Variants in CNBD1 observed in about 807,000 individuals in gnomAD.
The protein encoded by CNBD1 is cyclic nucleotide binding domain containing 1, also known as cyclic nucleotide-binding domain-containing protein 1.
CNBD1 carries 71 observed loss-of-function variants against 54.4 expected under a neutral mutation model. That is an observed-to-expected ratio of 1.30 (90% CI 1.08 to 1.59). The LOEUF is 1.59. CNBD1 is among the 40% of genes most tolerant of loss of function. The pLI is 0.00. For missense variants in CNBD1, 659 were observed against 518.0 expected (o/e 1.27, Z -2.64); for synonymous variants, 182 against 170.7 (o/e 1.07, Z -0.51).
intron 8 of CNBD1, among the ~76,000 whole-genome samples, chr8:87,315,892 G>A (rs564740902): frequency 6.6e-6 from 1 of 152,080 alleles, no homozygotes; most frequent in East Asian, 1.9e-4. Context: ...AAATGTTTGA[G>A]GTGATGGATT....
chr8:87,117,933 C>A (rs192087223), intron 4 of CNBD1, among the ~76,000 whole-genome samples: 2 of 152,238 alleles, frequency 1.3e-5, no homozygotes, highest in Admixed American at 6.5e-5. Flanking sequence ...ACAAAACAAA[C>A]TTTTCTGCCC....
chr8:87,138,529 T>C (rs1430987585), intron 4 of CNBD1, among the ~76,000 whole-genome samples: 4 of 152,212 alleles, frequency 2.6e-5, no homozygotes, highest in African/African-American at 9.7e-5. Context: ...ACAAACGCAG[T>C]GGTCTTTATC....
intron 6 of CNBD1, among the ~76,000 whole-genome samples, chr8:87,240,214 AT>A (rs1232431687): frequency 6.6e-6 from 1 of 152,112 alleles, no homozygotes; most frequent in Non-Finnish European, 1.5e-5. Context: ...CTATGATTAA[AT>A]TTAGCAAAAT....
At chr8:87,191,486 C>T (rs1388963632) in intron 4 of CNBD1, among the ~76,000 whole-genome samples, 3 of 152,158 alleles carry the variant, frequency 2.0e-5, no homozygotes, top group African/African-American at 7.2e-5. Context: ...AATACATTGC[C>T]AGCCATCTAG....
At chr8:86,867,278 G>A (rs1406592422) in intron 1 of CNBD1, among the ~76,000 whole-genome samples, 1 of 152,126 alleles carries the variant, frequency 6.6e-6, no homozygotes, top group Non-Finnish European at 1.5e-5. Context: ...ATGAGTTCCA[G>A]TGTTAGTTAA....
chr8:86,912,835 G>T (rs1056625000), intron 3 of CNBD1, among the ~76,000 whole-genome samples: 1 of 152,118 alleles, frequency 6.6e-6, no homozygotes, highest in African/African-American at 2.4e-5. Context: ...CTTCCAGGGG[G>T]ACAAGACATG....
At chr8:86,984,083 T>C (rs891380973) in intron 4 of CNBD1, among the ~76,000 whole-genome samples, 4 of 152,030 alleles carry the variant, frequency 2.6e-5, no homozygotes, top group Non-Finnish European at 5.9e-5. Flanking sequence ...CTCTGCTGTG[T>C]TCAGTTTAGG....
chr8:87,333,051 G>A (rs1809869255), intron 8 of CNBD1, among the ~76,000 whole-genome samples: 1 of 152,118 alleles, frequency 6.6e-6, no homozygotes, highest in Non-Finnish European at 1.5e-5. Context: ...ATTTCCTTGA[G>A]CAGTGGTTTG....
intron 4 of CNBD1, among the ~76,000 whole-genome samples, chr8:86,949,974 TGA>T (rs1807569420): frequency 3.8e-5 from 5 of 131,260 alleles, no homozygotes; most frequent in African/African-American, 8.9e-5. Context: ...TTTTTTTTTT[TGA>T]GATGGAGTCT....
At chr8:87,179,206 C>T (rs13274457) in intron 4 of CNBD1, among the ~76,000 whole-genome samples, 246 of 152,128 alleles carry the variant, frequency 1.6e-3, no homozygotes, top group Admixed American at 2.7e-3. Flanking sequence ...TTAAAGACTT[C>T]AATTGAATAA....
In CNBD1 at chr8:86,969,736, A is replaced by G. The variant is rs142921385; in HGVS notation, c.431+29982A>G. ...AATACAAATTAATAATGTGGAATACAGTCATCTAAATTTTTTTCTCCTATT... is the reference window on the plus strand; with the variant it reads ...AATACAAATTAATAATGTGGAATACGGTCATCTAAATTTTTTTCTCCTATT... On this transcript the variant is annotated intron_variant, in intron 4 of 10. Coordinates refer to ENST00000518476, the MANE Select transcript of CNBD1 (RefSeq NM_173538.3). Among the ~76,000 whole-genome samples the G allele has an allele frequency of 9.7e-3, 1,473 of 151,686 alleles. 17 individuals are homozygous for G. Among genetic ancestry groups the G allele is most frequent in the African/African-American group, 0.026 (1,083 of 41,388 alleles).
At chr8:87,087,629 A>AT (rs536774967) in intron 4 of CNBD1, among the ~76,000 whole-genome samples, 3,199 of 147,104 alleles carry the variant, frequency 0.022, 107 homozygotes, top group African/African-American at 0.071. Flanking sequence ...ACGCCCGGCT[A>AT]TTTTTTTTTT....
chr8:87,373,884 A>G (rs535861395), intron 10 of CNBD1, among the ~76,000 whole-genome samples: 3 of 151,540 alleles, frequency 2.0e-5, no homozygotes, highest in Non-Finnish European at 4.4e-5. Context: ...GTAATTTTAT[A>G]AACTTGTTAT....
rs200763090 is a variant in CNBD1, at chr8:87,273,040, CTGAA to C, written c.772-11634_772-11631del. Among the ~76,000 whole-genome samples the C allele has an allele frequency of 7.9e-3, 1,206 of 151,906 alleles. 11 individuals are homozygous for C. Among genetic ancestry groups the C allele is most frequent in the African/African-American group, 0.027 (1,134 of 41,496 alleles). On this transcript the variant is annotated intron_variant, in intron 6 of 10. Transcript: ENST00000518476. ...ATGCTGAAATAATTATTTCCAGTGACTGAATGATGTTACCCTTATATATCAGACA... is the reference window on the plus strand; with the variant it reads ...ATGCTGAAATAATTATTTCCAGTGACTGATGTTACCCTTATATATCAGACA...
chr8:86,873,353 G>A (rs56037835), intron 1 of CNBD1, among the ~76,000 whole-genome samples: 2,463 of 151,702 alleles, frequency 0.016, 66 homozygotes, highest in African/African-American at 0.054. Flanking sequence ...TGCCCGCCTC[G>A]GCCTCCCAAA....
intron 2 of CNBD1, among the ~76,000 whole-genome samples, chr8:86,890,037 A>G (rs1346091934): frequency 6.6e-6 from 1 of 152,126 alleles, no homozygotes; most frequent in Non-Finnish European, 1.5e-5. Context: ...GTATATGTAT[A>G]CAATGTGGAA....
At chr8:87,081,670 AT>A (rs923505672) in intron 4 of CNBD1, among the ~76,000 whole-genome samples, 22 of 151,246 alleles carry the variant, frequency 1.5e-4, no homozygotes, top group Non-Finnish European at 2.1e-4. Context: ...CACCCAGCTA[AT>A]TTTTTTTCAT....
chr8:86,954,273 C>T (rs1330836957), intron 4 of CNBD1, among the ~76,000 whole-genome samples: 1 of 152,150 alleles, frequency 6.6e-6, no homozygotes, highest in Admixed American at 6.6e-5. Flanking sequence ...CAGACAAATC[C>T]ATTTAATCTT....
intron 4 of CNBD1, among the ~76,000 whole-genome samples, chr8:87,091,700 C>T (rs1811205886): frequency 6.6e-6 from 1 of 152,126 alleles, no homozygotes; most frequent in Non-Finnish European, 1.5e-5. Context: ...TCAGGAAATA[C>T]AGTCTTGAGA....
Sources: allele counts gnomAD v4.1 joint callset (sites outside exome capture counted in the v4.1 genomes callset), GRCh38; gene constraint gnomAD v4.1.1; transcripts MANE v1.5; gene names NCBI Gene and HGNC (gene_info 2026-07-23, HGNC 2026-07-21).